FEZ1: variants seen among roughly 807,000 people sequenced by gnomAD.
The protein encoded by FEZ1 is fasciculation and elongation protein zeta 1, also known as fasciculation and elongation protein zeta-1.
In FEZ1, 20 loss-of-function variants were observed where a neutral mutation model predicts 49.3. That is an observed-to-expected ratio of 0.41 (90% CI 0.29 to 0.59). FEZ1 has a LOEUF of 0.59. Ranked by LOEUF, FEZ1 falls within the 20% of genes least tolerant of loss-of-function variation. The probability of loss-of-function intolerance (pLI) is 0.36; values close to 1 mark genes in which losing one functional copy is unlikely to be tolerated. For missense variants in FEZ1, 413 were observed against 476.0 expected (o/e 0.87, Z 1.23); for synonymous variants, 170 against 180.9 (o/e 0.94, Z 0.48).
intron 2 of FEZ1, among the ~76,000 whole-genome samples, chr11:125,486,738 C>T (rs557763563): frequency 6.6e-6 from 1 of 152,296 alleles, no homozygotes; most frequent in African/African-American, 2.4e-5. Context: ...AAATACTAAA[C>T]CGGAACAAGT....
intron 2 of FEZ1, among the ~76,000 whole-genome samples, chr11:125,482,339 T>G (rs1012195828): frequency 2.0e-5 from 3 of 152,182 alleles, no homozygotes; most frequent in African/African-American, 7.2e-5. Context: ...TCACGGACAC[T>G]CTCAGGTAAA....
intron 3 of FEZ1, 38 bp downstream of exon 3, chr11:125,481,496 T>A (rs763277407): frequency 1.1e-5 from 12 of 1,134,682 alleles, no homozygotes; most frequent in African/African-American, 1.5e-5. Context: ...GGATTCCACA[T>A]CTCAAGCCCT....
chr11:125,450,172 C>T (rs535878587), intron 8 of FEZ1, among the ~76,000 whole-genome samples: 2 of 152,166 alleles, frequency 1.3e-5, no homozygotes, highest in Non-Finnish European at 1.5e-5. Context: ...GGATTACAGG[C>T]GTGCACCACC....
intron 3 of FEZ1, among the ~76,000 whole-genome samples, chr11:125,479,645 C>A (rs1745651020): frequency 6.6e-6 from 1 of 152,162 alleles, no homozygotes; most frequent in Non-Finnish European, 1.5e-5. Context: ...GTGGGATGCC[C>A]ACAAGTATCT....
At chr11:125,455,544 G>A (rs1957001237) in intron 6 of FEZ1, 5 of 441,788 alleles carry the variant, frequency 1.1e-5, no homozygotes, top group Admixed American at 3.6e-5. Flanking sequence ...CTCCCAACAC[G>A]AAATACCCTC....
At chr11:125,465,913 T>G (rs1957125231) in intron 3 of FEZ1, among the ~76,000 whole-genome samples, 1 of 152,122 alleles carries the variant, frequency 6.6e-6, no homozygotes, top group Non-Finnish European at 1.5e-5. Flanking sequence ...TTACGGGCAC[T>G]GTTTACAGAC....
intron 3 of FEZ1, among the ~76,000 whole-genome samples, chr11:125,470,862 C>T (rs576286561): frequency 6.6e-6 from 1 of 151,926 alleles, no homozygotes; most frequent in South Asian, 2.1e-4. Flanking sequence ...TCTTAAAAGA[C>T]AACTAACTGT....
chr11:125,481,544 G>C lies in FEZ1; in HGVS notation c.401C>G (p.Ser134Cys). The change falls in exon 3 of 10, where the codon TCT becomes TGT. Residue 134 changes from serine to cysteine, a missense_variant. Coordinates refer to ENST00000278919, the MANE Select transcript of FEZ1 (RefSeq NM_005103.5). ...GCCCCGGAGAGGTACCTCAGTGTCA[G>C]AGCAGTTGCCATTCAGAGCCTCGAT... ...PNIEALNGNC[S>C]DTEIHEKEEE... 1.2e-6 allele frequency: 2 copies of C among 1,606,656 alleles called. No individual in the cohort carries two copies. Among genetic ancestry groups the C allele is most frequent in the Non-Finnish European group, 1.7e-6 (2 of 1,173,342 alleles).
chr11:125,469,886 T>C (rs1011674044), intron 3 of FEZ1, among the ~76,000 whole-genome samples: 1 of 151,958 alleles, frequency 6.6e-6, no homozygotes, highest in African/African-American at 2.4e-5. Flanking sequence ...ACCTTTTTGT[T>C]TTTTTTGTTT....
At chr11:125,453,788 A>C in intron 7 of FEZ1, 2 of 171,634 alleles carry the variant, frequency 1.2e-5, no homozygotes, top group Non-Finnish European at 2.5e-5. Context: ...GTGTGGTGGA[A>C]AGTTAACTAA....
intron 7 of FEZ1, chr11:125,453,018 C>T (rs1214857527): frequency 6.6e-6 from 1 of 150,740 alleles, no homozygotes; most frequent in Non-Finnish European, 1.5e-5. Flanking sequence ...AGTGCAGTGG[C>T]TTGATCTCGG....
chr11:125,444,920 G>A lies in FEZ1; in HGVS notation c.*1175C>T, dbSNP rs1185855389. On this transcript the variant is annotated 3_prime_UTR_variant, in exon 10 of 10. Transcript: ENST00000278919. ...GATGCTGTGATGTGTGCTAATGCAC[G>A]ATGAAGCCAGTGCAGGCTACAGCAA... 6.6e-6 allele frequency among the ~76,000 whole-genome samples: 1 copy of A among 152,204 alleles called. No individual in the cohort carries two copies. Among genetic ancestry groups the A allele is most frequent in the Non-Finnish European group, 1.5e-5 (1 of 68,038 alleles).
Position 125,495,022 on chromosome 11 carries a change from C to T in FEZ1, c.-46+1099G>A, listed in dbSNP as rs976086604. Reference sequence around the variant, plus strand: ...ATCCACCTTCAGATTTCCCACTGCTCCTCCGCAGAACCCACCCAGTGTGCA... The same window carrying T: ...ATCCACCTTCAGATTTCCCACTGCTTCTCCGCAGAACCCACCCAGTGTGCA... On this transcript the variant is annotated intron_variant, in intron 1 of 9. Transcript: ENST00000278919. The surrounding 1 kb of genome is among the most constrained non-coding windows in gnomAD (Gnocchi z 4.2). 6.6e-6 allele frequency among the ~76,000 whole-genome samples: 1 copy of T among 152,218 alleles called. No homozygotes were observed. Among genetic ancestry groups the T allele is most frequent in the Non-Finnish European group, 1.5e-5 (1 of 68,036 alleles).
intron 4 of FEZ1, among the ~76,000 whole-genome samples, chr11:125,460,971 C>T (rs566429292): frequency 1.3e-5 from 2 of 152,330 alleles, no homozygotes; most frequent in East Asian, 3.9e-4. Context: ...GGAACATTTA[C>T]TTCAATGTGC....
At chr11:125,451,326 C>G in intron 8 of FEZ1, 1 of 152,230 alleles carries the variant, frequency 6.6e-6, no homozygotes, top group East Asian at 1.9e-4. Context: ...TCTATTGATG[C>G]AGGCATGATG....
intron 1 of FEZ1, among the ~76,000 whole-genome samples, chr11:125,493,881 C>G (rs768177161): frequency 5.3e-5 from 8 of 152,166 alleles, no homozygotes; most frequent in Non-Finnish European, 1.2e-4. Flanking sequence ...ATATGATTAA[C>G]CAGCAACAAG....
chr11:125,455,180 C>T (rs969816500), intron 6 of FEZ1, among the ~76,000 whole-genome samples: 1 of 150,454 alleles, frequency 6.6e-6, no homozygotes, highest in African/African-American at 2.5e-5. Flanking sequence ...CACCTGAGAT[C>T]AGGAGTTTGA....
chr11:125,463,465 C>T lies in FEZ1; in HGVS notation c.498+19G>A, dbSNP rs375302268. The T allele has an allele frequency of 5.4e-6, 8 of 1,472,964 alleles. No individual in the cohort carries two copies. The highest frequency in any genetic ancestry group is 7.6e-6 in the Non-Finnish European group (8 of 1,052,866). 91.2% of individuals were successfully genotyped at this position (1,472,964 alleles called of 1,614,324 possible). ...TCAAAAGAACAAAAGGTCCCGATAA[C>T]CTGGAGAGATACTTATACCTGATCT... On this transcript the variant is annotated intron_variant, in intron 4 of 9. Transcript: ENST00000278919.
intron 2 of FEZ1, among the ~76,000 whole-genome samples, chr11:125,482,691 G>A (rs1026743916): frequency 2.6e-5 from 4 of 152,084 alleles, no homozygotes; most frequent in African/African-American, 4.8e-5. Context: ...GAGGCCGGGC[G>A]CGATGGCTCA....
Sources: gnomAD v4.1 joint callset for allele counts (sites outside exome capture counted in the v4.1 genomes callset) on GRCh38, gnomAD v4.1.1 for gene constraint, Gnocchi (gnomAD v3.1) non-coding constraint, MANE v1.5 for transcripts, NCBI Gene and HGNC (gene_info 2026-07-23, HGNC 2026-07-21) for gene names.